Variants in SYT1 observed in about 807,000 individuals in gnomAD.
SYT1 encodes the protein synaptotagmin-1.
SYT1 carries 8 observed loss-of-function variants against 44.8 expected under a neutral mutation model. The ratio of observed to expected loss-of-function variants is 0.18; its 90% CI spans 0.10 to 0.32. The LOEUF (loss-of-function observed/expected upper bound fraction) is 0.32, where lower values mean the gene tolerates loss of function less well. SYT1 is among the 10% of genes least tolerant of loss of function. SYT1 has a pLI of 1.00. For synonymous variants in SYT1, 154 were observed against 188.8 expected, an observed-to-expected ratio of 0.82 and a Z score of 1.51; for missense variants, 286 against 509.3, an observed-to-expected ratio of 0.56 and a Z score of 4.22.
intron 3 of SYT1, among the ~76,000 whole-genome samples, chr12:79,213,460 T>A (rs1437420921): frequency 2.0e-5 from 3 of 152,208 alleles, no homozygotes; most frequent in Non-Finnish European, 4.4e-5. Context: ...TGACTTACTT[T>A]CCTCACCTAT....
chr12:79,167,657 C>G (rs552500543), intron 3 of SYT1, among the ~76,000 whole-genome samples: 1 of 151,922 alleles, frequency 6.6e-6, no homozygotes, highest in Admixed American at 6.6e-5. Context: ...GGTGAAATGT[C>G]AGGGACTGAA....
At chr12:79,389,888 A>G (rs1280151435) in intron 9 of SYT1, among the ~76,000 whole-genome samples, 1 of 152,116 alleles carries the variant, frequency 6.6e-6, no homozygotes, top group East Asian at 1.9e-4. Flanking sequence ...TATGTCACTA[A>G]GAACAAAGGA....
At chr12:79,254,449 A>G (rs1877400227) in intron 4 of SYT1, among the ~76,000 whole-genome samples, 1 of 152,212 alleles carries the variant, frequency 6.6e-6, no homozygotes, top group African/African-American at 2.4e-5. Flanking sequence ...TTGACAATAC[A>G]CACAGTCACC....
intron 3 of SYT1, among the ~76,000 whole-genome samples, chr12:79,096,912 T>C (rs993787166): frequency 2.6e-5 from 4 of 151,974 alleles, no homozygotes; most frequent in Non-Finnish European, 5.9e-5. Flanking sequence ...ATTGAAGTGA[T>C]TTTTAGGAAT....
At chr12:78,927,823 A>C (rs1877388968) in intron 1 of SYT1, among the ~76,000 whole-genome samples, 1 of 152,158 alleles carries the variant, frequency 6.6e-6, no homozygotes, top group Admixed American at 6.6e-5. Flanking sequence ...GCTTTCTCCT[A>C]GCTAACCGTC....
At chr12:78,952,798 T>C (rs1879032142) in intron 1 of SYT1, among the ~76,000 whole-genome samples, 1 of 152,120 alleles carries the variant, frequency 6.6e-6, no homozygotes, top group African/African-American at 2.4e-5. Flanking sequence ...TTCTCCATCA[T>C]GAAAACAGAC....
chr12:79,096,384 G>A (rs68161661), intron 3 of SYT1, among the ~76,000 whole-genome samples: 5,156 of 152,044 alleles, frequency 0.034, 172 homozygotes, highest in South Asian at 0.11. Context: ...ACACTCTGAG[G>A]TGATGTATTT....
intron 9 of SYT1, among the ~76,000 whole-genome samples, chr12:79,429,832 A>C (rs1399230750): frequency 6.6e-6 from 1 of 152,208 alleles, no homozygotes; most frequent in Non-Finnish European, 1.5e-5. Flanking sequence ...TGTAGTGTTA[A>C]TCTGGGCAAG....
chr12:79,053,440 C>T (rs528920756), intron 3 of SYT1, among the ~76,000 whole-genome samples: 16 of 151,598 alleles, frequency 1.1e-4, no homozygotes, highest in South Asian at 2.1e-4. Flanking sequence ...CACACCAACA[C>T]GGCACATGTA....
intron 2 of SYT1, among the ~76,000 whole-genome samples, chr12:79,020,649 C>G (rs939493393): frequency 1.3e-5 from 2 of 151,888 alleles, no homozygotes; most frequent in African/African-American, 4.8e-5. Context: ...TAGATGGATA[C>G]ATCCATGAGT....
At chr12:79,446,622 T>C (rs1438598454) in intron 10 of SYT1, among the ~76,000 whole-genome samples, 1 of 152,152 alleles carries the variant, frequency 6.6e-6, no homozygotes, top group East Asian at 1.9e-4. Flanking sequence ...GGTTGATAGT[T>C]TTAAATACAA....
At chr12:78,885,494 C>T (rs1874699058) in intron 1 of SYT1, among the ~76,000 whole-genome samples, 1 of 151,766 alleles carries the variant, frequency 6.6e-6, no homozygotes, top group African/African-American at 2.4e-5. Context: ...GTAGAGAGTG[C>T]CAAGTTGGGA....
chr12:79,128,643 T>TA (rs992749444), intron 3 of SYT1, among the ~76,000 whole-genome samples: 13 of 152,348 alleles, frequency 8.5e-5, no homozygotes, highest in Admixed American at 5.9e-4. Flanking sequence ...CAAAATTTGA[T>TA]AAAATCCCAA....
At chr12:79,303,094 G>T (rs1766397720) in intron 8 of SYT1, among the ~76,000 whole-genome samples, 2 of 151,938 alleles carry the variant, frequency 1.3e-5, no homozygotes, top group African/African-American at 2.4e-5. Flanking sequence ...GTATACACAA[G>T]TCAAACCTGA....
In SYT1 at chr12:79,203,019, G is replaced by A. The variant is rs746335706; in HGVS notation, c.-17-14484G>A. Among the ~76,000 whole-genome samples, 26 of 152,048 alleles carry A rather than the reference G, an allele frequency of 1.7e-4. 1 individual carries two copies. Among genetic ancestry groups the A allele is most frequent in the Non-Finnish European group, 3.7e-4 (25 of 68,002 alleles). Reference sequence around the variant, plus strand: ...GGGAATCAAAAGCTAGGAGTCAGAGGCACATGTAGGTAAAGAGTATTAGCA... The same window carrying A: ...GGGAATCAAAAGCTAGGAGTCAGAGACACATGTAGGTAAAGAGTATTAGCA... On this transcript the variant is annotated intron_variant, in intron 3 of 10. Transcript: ENST00000261205.
At chr12:78,975,484 G>A (rs1338434359) in intron 1 of SYT1, among the ~76,000 whole-genome samples, 1 of 152,130 alleles carries the variant, frequency 6.6e-6, no homozygotes, top group African/African-American at 2.4e-5. Flanking sequence ...TTTACAACAT[G>A]TAGTTTTATG....
intron 9 of SYT1, among the ~76,000 whole-genome samples, chr12:79,370,080 C>T (rs1344703926): frequency 6.6e-6 from 1 of 151,962 alleles, no homozygotes; most frequent in Non-Finnish European, 1.5e-5. Context: ...ATCTTATTAC[C>T]GAGATTATTT....
intron 3 of SYT1, among the ~76,000 whole-genome samples, chr12:79,150,267 C>G (rs1013882916): frequency 6.6e-6 from 1 of 152,090 alleles, no homozygotes; most frequent in Non-Finnish European, 1.5e-5. Flanking sequence ...GAATACTATT[C>G]AGCCATTAAA....
intron 8 of SYT1, among the ~76,000 whole-genome samples, chr12:79,323,954 T>TA (rs1387961843): frequency 2.1e-5 from 3 of 144,410 alleles, no homozygotes; most frequent in Admixed American, 6.8e-5. Context: ...TTTTCTTTTT[T>TA]TTTTTTTTTT....
Sources: gnomAD v4.1 joint callset for allele counts (sites outside exome capture counted in the v4.1 genomes callset) on GRCh38, gnomAD v4.1.1 for gene constraint, MANE v1.5 for transcripts, NCBI Gene and HGNC (gene_info 2026-07-23, HGNC 2026-07-21) for gene names.